The following FCHSD2 variants were observed in gnomAD, a reference collection of about 807,000 sequenced individuals.
FCHSD2 encodes FCH and double SH3 domains 2.
FCHSD2 carries 38 observed loss-of-function variants against 108.1 expected under a neutral mutation model. The observed-to-expected ratio is 0.35, with a 90% CI of 0.27 to 0.46. The LOEUF (loss-of-function observed/expected upper bound fraction) is 0.46, where lower values mean the gene tolerates loss of function less well. Ranked by LOEUF, FCHSD2 falls within the 20% of genes least tolerant of loss-of-function variation. FCHSD2 has a pLI of 1.00. For missense variants in FCHSD2, 751 were observed against 897.8 expected (o/e 0.84, Z 2.09); for synonymous variants, 279 against 314.7 (o/e 0.89, Z 1.20).
intron 9 of FCHSD2, among the ~76,000 whole-genome samples, chr11:72,910,865 T>G (rs1591390972): frequency 6.6e-6 from 1 of 151,580 alleles, no homozygotes; most frequent in Admixed American, 6.6e-5. Context: ...TATAGAGTTG[T>G]TTGAGCTCCT....
intron 3 of FCHSD2, among the ~76,000 whole-genome samples, chr11:73,043,116 T>A (rs1476457639): frequency 6.6e-6 from 1 of 152,204 alleles, no homozygotes; most frequent in African/African-American, 2.4e-5. Context: ...AAAGTGGGCA[T>A]CCTTGTCTTA....
intron 2 of FCHSD2, among the ~76,000 whole-genome samples, chr11:73,119,939 T>C (rs1860692047): frequency 6.6e-6 from 1 of 152,192 alleles, no homozygotes; most frequent in African/African-American, 2.4e-5. Context: ...GAAGTTTAAT[T>C]GGACTTACAG....
At chr11:72,942,061 C>T (rs544094637) in intron 8 of FCHSD2, among the ~76,000 whole-genome samples, 4 of 152,294 alleles carry the variant, frequency 2.6e-5, no homozygotes, top group African/African-American at 4.8e-5. Context: ...AATCTCATGT[C>T]GAAATGTGAT....
At chr11:73,022,327 T>G (rs1199112512) in intron 3 of FCHSD2, among the ~76,000 whole-genome samples, 2 of 152,162 alleles carry the variant, frequency 1.3e-5, no homozygotes, top group African/African-American at 4.8e-5. Flanking sequence ...TAAAGCTATC[T>G]TTATTCATAG....
chr11:73,066,934 A>G, intron 3 of FCHSD2, among the ~76,000 whole-genome samples: 1 of 152,150 alleles, frequency 6.6e-6, no homozygotes, highest in East Asian at 1.9e-4. Flanking sequence ...GCGATTCCTC[A>G]AGGATCCAGA....
intron 3 of FCHSD2, among the ~76,000 whole-genome samples, chr11:73,060,710 A>G (rs116842217): frequency 0.034 from 5,233 of 152,362 alleles, 139 homozygotes; most frequent in Middle Eastern, 0.071. Flanking sequence ...GGGCATGAAA[A>G]TAAGATAACT....
chr11:73,117,341 C>A (rs1860628012), intron 2 of FCHSD2, among the ~76,000 whole-genome samples: 1 of 152,104 alleles, frequency 6.6e-6, no homozygotes. Context: ...GTTCAAGAGT[C>A]CACACTCTTA....
chr11:72,914,009 C>T (rs912367375), intron 9 of FCHSD2, among the ~76,000 whole-genome samples: 26 of 151,696 alleles, frequency 1.7e-4, no homozygotes, highest in African/African-American at 6.3e-4. Context: ...CTGCCTTAAG[C>T]TATTTATTTA....
chr11:73,021,805 C>A (rs1413389241), intron 3 of FCHSD2, among the ~76,000 whole-genome samples: 1 of 152,036 alleles, frequency 6.6e-6, no homozygotes, highest in East Asian at 1.9e-4. Context: ...ATACAAAAAA[C>A]TGGCTGGGCG....
At chr11:72,948,828 G>A (rs141317479) in intron 8 of FCHSD2, among the ~76,000 whole-genome samples, 2,749 of 151,924 alleles carry the variant, frequency 0.018, 49 homozygotes, top group Non-Finnish European at 0.024. Context: ...ACTACGCCTG[G>A]CTAATTTTTT....
intron 8 of FCHSD2, among the ~76,000 whole-genome samples, chr11:72,964,789 C>CTTTTT (rs35280672): frequency 7.6e-6 from 1 of 132,220 alleles, no homozygotes; most frequent in Non-Finnish European, 1.6e-5. Flanking sequence ...GATCATTTCA[C>CTTTTT]TTTTTTTTTT....
At chr11:73,088,753 GACTA>G (rs1305380893) in intron 2 of FCHSD2, among the ~76,000 whole-genome samples, 2 of 152,002 alleles carry the variant, frequency 1.3e-5, no homozygotes, top group Non-Finnish European at 1.5e-5. Context: ...AAGCAAAAGA[GACTA>G]ACTAAAATGA....
chr11:72,899,304 A>G (rs1295481309), intron 10 of FCHSD2, among the ~76,000 whole-genome samples: 1 of 152,224 alleles, frequency 6.6e-6, no homozygotes, highest in Non-Finnish European at 1.5e-5. Flanking sequence ...TAACAAGTAG[A>G]CACAATCCAA....
intron 2 of FCHSD2, among the ~76,000 whole-genome samples, chr11:73,093,807 G>A (rs765015127): frequency 1.3e-5 from 2 of 151,968 alleles, no homozygotes; most frequent in East Asian, 2.0e-4. Flanking sequence ...GTTCTTCCAC[G>A]TTGGTCAGGC....
chr11:72,838,736 G>C lies in FCHSD2; in HGVS notation c.*55C>G. On this transcript the variant is annotated 3_prime_UTR_variant, in exon 20 of 20. Transcript: ENST00000409418. ...CAAAGGTGCCTAAAAAACAAGACTGGCCAAACTCCAAGCCTGGCCTTGATT... is the reference window on the plus strand; with the variant it reads ...CAAAGGTGCCTAAAAAACAAGACTGCCCAAACTCCAAGCCTGGCCTTGATT... 1 of 1,466,010 alleles carries C rather than the reference G, an allele frequency of 6.8e-7. No homozygotes were observed. Among genetic ancestry groups the C allele is most frequent in the Middle Eastern group, 2.2e-4 (1 of 4,644 alleles). The allele number at this position is 1,466,010 out of a possible 1,614,324, so 90.8% of individuals were successfully genotyped here. A position where few individuals can be genotyped will look rare whatever the true frequency, so the allele number is the denominator to read the frequency against.
intron 12 of FCHSD2, among the ~76,000 whole-genome samples, chr11:72,873,569 A>G (rs1221146901): frequency 3.3e-5 from 5 of 152,134 alleles, no homozygotes; most frequent in Non-Finnish European, 7.3e-5. Flanking sequence ...TGAAACATGA[A>G]AGTTTTAAAT....
intron 10 of FCHSD2, among the ~76,000 whole-genome samples, chr11:72,896,154 T>G (rs1020317711): frequency 6.6e-6 from 1 of 152,320 alleles, no homozygotes; most frequent in East Asian, 1.9e-4. Flanking sequence ...CAGAATTAAA[T>G]ATCAGAAATA....
intron 4 of FCHSD2, among the ~76,000 whole-genome samples, chr11:73,013,534 TAAGA>T (rs952581826): frequency 6.6e-6 from 1 of 152,202 alleles, no homozygotes. Flanking sequence ...ATCCTATGAA[TAAGA>T]AAGAAAGAAT....
chr11:73,012,279 G>A (rs1171753279), intron 4 of FCHSD2, among the ~76,000 whole-genome samples: 1 of 152,130 alleles, frequency 6.6e-6, no homozygotes, highest in African/African-American at 2.4e-5. Context: ...GGGTGTTACA[G>A]ACTGCATGTA....
Sources: gnomAD v4.1 joint callset for allele counts (sites outside exome capture counted in the v4.1 genomes callset) on GRCh38, gnomAD v4.1.1 for gene constraint, MANE v1.5 for transcripts, NCBI Gene and HGNC (gene_info 2026-07-23, HGNC 2026-07-21) for gene names.